Variants in NELL2 observed in about 807,000 individuals in gnomAD.
NELL2 encodes neural EGFL like 2.
A neutral mutation model predicts 109.6 loss-of-function variants in NELL2; 41 were observed. The ratio of observed to expected loss-of-function variants is 0.37; its 90% CI spans 0.29 to 0.49. NELL2 has a LOEUF of 0.49. Ranked by LOEUF, NELL2 falls within the 20% of genes least tolerant of loss-of-function variation. NELL2 has a pLI of 0.98. For synonymous variants in NELL2, 355 were observed against 344.7 expected, an observed-to-expected ratio of 1.03 and a Z score of -0.33; for missense variants, 900 against 1,008.3, an observed-to-expected ratio of 0.89 and a Z score of 1.45.
At chr12:44,637,662 C>T (rs903250017) in intron 13 of NELL2, among the ~76,000 whole-genome samples, 2 of 150,382 alleles carry the variant, frequency 1.3e-5, no homozygotes, top group East Asian at 2.0e-4. Flanking sequence ...CGGGAAAAAG[C>T]CTCACGTCTC....
At chr12:44,842,802 C>T (rs1238915106) in intron 2 of NELL2, among the ~76,000 whole-genome samples, 1 of 151,012 alleles carries the variant, frequency 6.6e-6, no homozygotes, top group Admixed American at 6.6e-5. Flanking sequence ...GCCATATGAA[C>T]AAACAGACAC....
chr12:44,729,231 A>G (rs1368784774), intron 9 of NELL2, among the ~76,000 whole-genome samples: 1 of 152,152 alleles, frequency 6.6e-6, no homozygotes, highest in Non-Finnish European at 1.5e-5. Flanking sequence ...TAAATAGTGT[A>G]GGGGGAGGGG....
chr12:44,569,989 G>A (rs189755304), intron 15 of NELL2, among the ~76,000 whole-genome samples: 31 of 152,204 alleles, frequency 2.0e-4, no homozygotes, highest in Admixed American at 1.2e-3. Flanking sequence ...GACATGTTTC[G>A]TGATACAACA....
At chr12:44,685,594 C>A (rs141795680) in intron 12 of NELL2, among the ~76,000 whole-genome samples, 65 of 151,922 alleles carry the variant, frequency 4.3e-4, no homozygotes, top group African/African-American at 1.5e-3. Flanking sequence ...TTCAGGAGCT[C>A]TTTTATGGCA....
intron 2 of NELL2, among the ~76,000 whole-genome samples, chr12:44,833,781 CT>C (rs1451183063): frequency 2.0e-5 from 3 of 152,160 alleles, no homozygotes; most frequent in Non-Finnish European, 4.4e-5. Context: ...ACAATTTATG[CT>C]GTACAAAGGT....
At chr12:44,588,019 C>T (rs900122257) in intron 15 of NELL2, among the ~76,000 whole-genome samples, 10 of 151,804 alleles carry the variant, frequency 6.6e-5, no homozygotes, top group Admixed American at 3.3e-4. Context: ...GGCGTGGTGG[C>T]GGGCACCTGT....
intron 12 of NELL2, among the ~76,000 whole-genome samples, chr12:44,672,190 G>A (rs1055421161): frequency 2.0e-5 from 3 of 152,116 alleles, no homozygotes; most frequent in African/African-American, 7.2e-5. Flanking sequence ...CATAGAACAG[G>A]GGTCCCCAAC....
At chr12:44,571,803 A>G (rs1400960674) in intron 15 of NELL2, among the ~76,000 whole-genome samples, 2 of 152,230 alleles carry the variant, frequency 1.3e-5, no homozygotes, top group African/African-American at 4.8e-5. Flanking sequence ...TAATTTGACT[A>G]TAGAACTTCA....
chr12:44,913,311 T>C (rs1235364101), intron 1 of NELL2, among the ~76,000 whole-genome samples: 4 of 152,156 alleles, frequency 2.6e-5, no homozygotes, highest in Non-Finnish European at 5.9e-5. Flanking sequence ...ATTTTCTCCA[T>C]ACAGCTGATT....
chr12:44,817,059 T>C (rs1205626417), intron 2 of NELL2, among the ~76,000 whole-genome samples: 1 of 152,202 alleles, frequency 6.6e-6, no homozygotes, highest in African/African-American at 2.4e-5. Flanking sequence ...GATAAGTAGT[T>C]TTCAATGGAA....
intron 17 of NELL2, 113 bp downstream of exon 17, chr12:44,523,178 T>C (rs757077926): frequency 1.2e-4 from 116 of 989,062 alleles, no homozygotes; most frequent in Non-Finnish European, 1.7e-4. Flanking sequence ...TTAATTGTGA[T>C]GGTAGGTAAG....
At chr12:44,669,113 AG>A (rs1397878172) in intron 12 of NELL2, among the ~76,000 whole-genome samples, 20 of 152,222 alleles carry the variant, frequency 1.3e-4, no homozygotes, top group Non-Finnish European at 1.8e-4. Flanking sequence ...TAAGTCACTG[AG>A]GAACTCATAG....
chr12:44,629,112 T>C (rs1946364653), intron 13 of NELL2, among the ~76,000 whole-genome samples: 1 of 152,188 alleles, frequency 6.6e-6, no homozygotes. Flanking sequence ...TCCACTGTAT[T>C]AATTTGAACT....
intron 2 of NELL2, among the ~76,000 whole-genome samples, chr12:44,872,673 T>A (rs989830993): frequency 6.6e-6 from 1 of 152,202 alleles, no homozygotes; most frequent in East Asian, 1.9e-4. Context: ...GCAGGAAAAA[T>A]TTGATGGTCC....
chr12:44,912,112 G>C (rs1945786737), intron 1 of NELL2, among the ~76,000 whole-genome samples: 1 of 151,720 alleles, frequency 6.6e-6, no homozygotes, highest in African/African-American at 2.4e-5. Flanking sequence ...CACACAGAGA[G>C]AAAAAAATCA....
intron 15 of NELL2, among the ~76,000 whole-genome samples, chr12:44,576,632 C>T (rs1457778707): frequency 4.0e-5 from 6 of 151,802 alleles, no homozygotes; most frequent in Non-Finnish European, 7.4e-5. Flanking sequence ...ATGTGCCATG[C>T]TGGTGCGCTG....
At position 44,547,020 on chromosome 12, in the gene NELL2, T is replaced by A. The variant is rs911349573; in HGVS notation, c.1664-14299A>T. On this transcript the variant is annotated intron_variant, in intron 15 of 19. Coordinates refer to ENST00000429094, the MANE Select transcript of NELL2 (RefSeq NM_001145108.2). ...CACATTCACACACAAACCTTTTTTT[T>A]AAAAGATTTATATGGTGATAGGAGA... Among the ~76,000 whole-genome samples the A allele has an allele frequency of 1.5e-4, 23 of 152,268 alleles. No homozygotes were observed. In the South Asian group the frequency reaches 3.5e-3, roughly 23 times the overall value.
intron 12 of NELL2, among the ~76,000 whole-genome samples, chr12:44,689,114 C>T (rs771734060): frequency 2.0e-5 from 3 of 152,160 alleles, no homozygotes; most frequent in Non-Finnish European, 2.9e-5. Flanking sequence ...TGAGTGCACT[C>T]GGTGTTCCTA....
At chr12:44,645,648 C>G (rs1947067052) in intron 13 of NELL2, among the ~76,000 whole-genome samples, 1 of 152,158 alleles carries the variant, frequency 6.6e-6, no homozygotes, top group Non-Finnish European at 1.5e-5. Context: ...TTCATATTAT[C>G]TAATCAACCA....
Sources: allele counts gnomAD v4.1 joint callset (sites outside exome capture counted in the v4.1 genomes callset), GRCh38; gene constraint gnomAD v4.1.1; transcripts MANE v1.5; gene names NCBI Gene and HGNC (gene_info 2026-07-23, HGNC 2026-07-21).